Variants in KRT7 observed in about 807,000 individuals in gnomAD.
KRT7 encodes keratin 7.
KRT7 carries 50 observed loss-of-function variants against 42.8 expected under a neutral mutation model. The ratio of observed to expected loss-of-function variants is 1.17; its 90% CI spans 0.93 to 1.48. The LOEUF (loss-of-function observed/expected upper bound fraction) is 1.48. Ranked by LOEUF, KRT7 falls within the 40% of genes most tolerant of loss-of-function variation. The pLI is 0.00. For synonymous variants in KRT7, 268 were observed against 266.3 expected (o/e 1.01, Z -0.06); for missense variants, 588 against 637.6 (o/e 0.92, Z 0.84).
intron 2 of KRT7, 85 bp from the exon 3 acceptor site, chr12:52,237,424 G>T: frequency 1.0e-6 from 1 of 964,756 alleles, no homozygotes; most frequent in Non-Finnish European, 1.6e-6. Flanking sequence ...GGGAGGCAGG[G>T]CAGATTTCAC....
At chr12:52,252,150 T>C (rs146858233), downstream of KRT7, 1,372 of 1,349,086 alleles carry the variant, frequency 1.0e-3, 13 homozygotes, top group African/African-American at 0.018. Flanking sequence ...CCAATTAGCG[T>C]TGATGCACAT....
rs538678417 is a variant in KRT7 at position 52,234,347 on chromosome 12, A to G, written c.324+727A>G. 2.0e-3 allele frequency among the ~76,000 whole-genome samples: 309 copies of G among 152,226 alleles called. 3 individuals are homozygous for G. Among genetic ancestry groups the G allele is most frequent in the Non-Finnish European group, 3.4e-3 (232 of 67,998 alleles). ...GCTGGAGGGGGCGAGGGCAGACTTG[A>G]CTGGTGGGTTTGGGAGGAGTGCTGC... On this transcript the variant is annotated intron_variant, in intron 1 of 8. Coordinates refer to ENST00000331817, the MANE Select transcript of KRT7 (RefSeq NM_005556.4).
rs146616752 is a variant in KRT7, at chr12:52,243,025, A to G, written c.872A>G (p.Gln291Arg). 5 of 1,613,314 alleles carry G rather than the reference A, an allele frequency of 3.1e-6. No homozygotes were observed. Among genetic ancestry groups the G allele is most frequent in the Non-Finnish European group, 4.2e-6 (5 of 1,179,618 alleles). Residue 291 changes from glutamine to arginine, a missense_variant, in exon 6 of 9, where the codon CAG (glutamine) becomes CGG (arginine). Gln to Arg is a conservative substitution (Grantham distance 43). Transcript: ENST00000331817. ...TGGCCCCTCCAGTTTGAGACCCTCC[A>G]GGCCCAGGCTGGGAAGCATGGGGAC... ...AWYQTKFETL[Q>R]AQAGKHGDDL...
At chr12:52,247,226 C>T (rs1409584282) in intron 7 of KRT7, 5 of 152,208 alleles carry the variant, frequency 3.3e-5, no homozygotes, top group Admixed American at 3.3e-4. Context: ...ACATTCAGGC[C>T]TCTTCCGTCT....
chr12:52,252,041 C>T (rs1206885262), downstream of KRT7: 1 of 728,174 alleles, frequency 1.4e-6, no homozygotes, highest in Admixed American at 2.0e-5. Flanking sequence ...ATTTACAGCA[C>T]CAACGCCCTC....
intron 5 of KRT7, among the ~76,000 whole-genome samples, 164 bp from the exon 6 acceptor site, chr12:52,242,848 C>T (rs1361698832): frequency 1.3e-5 from 2 of 152,102 alleles, no homozygotes; most frequent in East Asian, 3.9e-4. Context: ...GAATCCCTTC[C>T]TCACACTGCT....
chr12:52,245,438 C>T lies in KRT7; in HGVS notation c.1011C>T (p.Ala337=), dbSNP rs368567294. The part of the protein sequence containing the change: ...NQRAKLEAAI[A]EAEERGELAL... ...GTGCCAAGTTGGAGGCCGCCATTGC[C>T]GAGGCTGAGGAGCGTGGGGAGCTGG... is the stretch of plus-strand genomic sequence containing the variant. Residue 337 remains alanine, a synonymous_variant, in exon 7 of 9, where the codon GCC becomes GCT. Transcript: ENST00000331817. 81 of 1,613,764 alleles carry T rather than the reference C, an allele frequency of 5.0e-5. No homozygotes were observed. The East Asian group carries it at 6.0e-4, about 12-fold the overall frequency.
chr12:52,250,507 C>G (rs907785425), downstream of KRT7: 6 of 746,972 alleles, frequency 8.0e-6, no homozygotes, highest in South Asian at 8.8e-5. Flanking sequence ...CTGCTCTGGC[C>G]GCAGGGCGCA....
At chr12:52,245,745 G>A in intron 7 of KRT7, 113 bp downstream of exon 7, 1 of 1,346,580 alleles carries the variant, frequency 7.4e-7, no homozygotes, top group Non-Finnish European at 1.0e-6. Flanking sequence ...CAGGGCACTG[G>A]GTGTGGGGAT....
At chr12:52,245,890 G>C (rs536546751) in intron 7 of KRT7, 25 of 519,142 alleles carry the variant, frequency 4.8e-5, no homozygotes, top group African/African-American at 4.0e-4. Context: ...GCTTCTTAGG[G>C]TTATCATATT....
At chr12:52,238,598 G>T in intron 3 of KRT7, 82 bp from the exon 4 acceptor site, 1 of 843,200 alleles carries the variant, frequency 1.2e-6, no homozygotes, top group East Asian at 2.4e-5. Context: ...GTTGGACAGG[G>T]CAGGCCTGCT....
rs1942042259 is a variant in KRT7 at position 52,238,693 on chromosome 12, C to T, written c.611C>T (p.Ala204Val). 6.2e-7 allele frequency: 1 copy of T among 1,613,086 alleles called. No homozygotes were observed. Among genetic ancestry groups the T allele is most frequent in the African/African-American group, 1.3e-5 (1 of 75,014 alleles). Reference protein sequence around the residue: ...FVVLKKDVDAAYMSKVELEAK... With the variant: ...FVVLKKDVDAVYMSKVELEAK... ...CCCAACCCCCAGGATGTGGATGCTG[C>T]CTACATGAGCAAGGTGGAGCTGGAG... The change falls in exon 4 of 9, where the codon GCC becomes GTC. Residue 204 changes from alanine to valine, a missense_variant. Physicochemically the swap from Ala to Val is moderately conservative, Grantham distance 64 (BLOSUM62 0). Coordinates refer to ENST00000331817, the MANE Select transcript of KRT7 (RefSeq NM_005556.4).
chr12:52,237,459 G>A (rs192659834), intron 2 of KRT7, 50 bp from the exon 3 acceptor site: 5 of 1,372,956 alleles, frequency 3.6e-6, no homozygotes, highest in East Asian at 2.4e-5. Flanking sequence ...GAGGGGGGAC[G>A]GGAGCATGGA....
downstream of KRT7, among the ~76,000 whole-genome samples, chr12:52,250,003 C>T (rs1942238856): frequency 6.6e-6 from 1 of 152,070 alleles, no homozygotes; most frequent in Admixed American, 6.5e-5. Flanking sequence ...TCTCAGGGCA[C>T]AATGCATATG....
chr12:52,247,017 C>T (rs113999815), intron 7 of KRT7, among the ~76,000 whole-genome samples: 1 of 152,128 alleles, frequency 6.6e-6, no homozygotes, highest in African/African-American at 2.4e-5. Flanking sequence ...AGGCTTAGAT[C>T]CGGGTACTCT....
At chr12:52,255,447 G>GA (rs1394273683), downstream of KRT7, 6 of 453,252 alleles carry the variant, frequency 1.3e-5, no homozygotes, top group South Asian at 1.6e-5. Flanking sequence ...ATCTGGGGAG[G>GA]AAAAAAAATG....
At chr12:52,236,067 C>T (rs1942007788) in intron 2 of KRT7, among the ~76,000 whole-genome samples, 1 of 152,026 alleles carries the variant, frequency 6.6e-6, no homozygotes, top group South Asian at 2.1e-4. Context: ...TCAGGCTGGG[C>T]CCCACCCTGG....
downstream of KRT7, among the ~76,000 whole-genome samples, chr12:52,250,063 G>GAGCCAGGC (rs970963810): frequency 6.6e-6 from 1 of 152,128 alleles, no homozygotes; most frequent in African/African-American, 2.4e-5. Context: ...GAGAGGGAGG[G>GAGCCAGGC]AGCCAGGCAG....
intron 2 of KRT7, among the ~76,000 whole-genome samples, chr12:52,235,723 A>G (rs772867998): frequency 1.1e-4 from 16 of 152,262 alleles, no homozygotes; most frequent in South Asian, 2.1e-4. Flanking sequence ...ACCTTCACAG[A>G]TTATTCTAGA....
Sources: gnomAD v4.1 joint callset for allele counts (sites outside exome capture counted in the v4.1 genomes callset) on GRCh38, gnomAD v4.1.1 for gene constraint, MANE v1.5 for transcripts, NCBI Gene and HGNC (gene_info 2026-07-23, HGNC 2026-07-21) for gene names.